The following GRID1 variants were observed in gnomAD, a reference collection of about 807,000 sequenced individuals.
The protein encoded by GRID1 is glutamate receptor ionotropic, delta-1.
In GRID1, 28 loss-of-function variants were observed where a neutral mutation model predicts 98.0. That is an observed-to-expected ratio of 0.29 (90% confidence interval 0.21 to 0.39). The LOEUF is 0.39. Ranked by LOEUF, GRID1 falls within the 10% of genes least tolerant of loss-of-function variation. GRID1 has a pLI of 1.00. For missense variants in GRID1, 1,111 were observed against 1,340.5 expected (o/e 0.83, Z 2.67); for synonymous variants, 553 against 538.5 (o/e 1.03, Z -0.37).
chr10:86,086,019 C>T (rs896621925), intron 4 of GRID1, among the ~76,000 whole-genome samples: 1 of 152,144 alleles, frequency 6.6e-6, no homozygotes, highest in Admixed American at 6.5e-5. Context: ...GCCTCTAGTC[C>T]TTTGCACTCA....
At chr10:85,610,709 T>G (rs1186515137) in intron 15 of GRID1, among the ~76,000 whole-genome samples, 1 of 152,076 alleles carries the variant, frequency 6.6e-6, no homozygotes, top group Non-Finnish European at 1.5e-5. Flanking sequence ...CATCTGTGCA[T>G]GAGGAAGTAA....
chr10:86,199,839 G>A (rs1215425246), intron 3 of GRID1, among the ~76,000 whole-genome samples: 2 of 152,056 alleles, frequency 1.3e-5, no homozygotes, highest in Non-Finnish European at 2.9e-5. Flanking sequence ...CAGACAGGAC[G>A]CAGTGAAAGG....
rs559338478 is a variant in GRID1, at chr10:86,095,279, C to T, written c.726+43540G>A. Among the ~76,000 whole-genome samples the T allele has an allele frequency of 1.1e-4, 17 of 152,242 alleles. No homozygotes were observed. The Middle Eastern group carries it at 0.01, about 91-fold the overall frequency. On this transcript the variant is annotated intron_variant, in intron 4 of 15. Transcript: ENST00000327946. ...ACAAGATAACATTGGAAAAACTCTT[C>T]CAGACATTGGCTTAGGCAAGGATTT...
chr10:85,855,953 T>C (rs1843105837), intron 7 of GRID1, 76 bp downstream of exon 7: 3 of 1,359,766 alleles, frequency 2.2e-6, no homozygotes, highest in Non-Finnish European at 3.1e-6. Context: ...TCAGGCCAGC[T>C]ACTAGAGGGG....
intron 4 of GRID1, among the ~76,000 whole-genome samples, chr10:86,050,873 C>A (rs1843491849): frequency 1.4e-5 from 2 of 144,406 alleles, no homozygotes; most frequent in Non-Finnish European, 3.0e-5. Flanking sequence ...AACAAACAAT[C>A]ACAAGAACCA....
At chr10:86,049,109 T>C (rs947795399) in intron 4 of GRID1, among the ~76,000 whole-genome samples, 6 of 152,208 alleles carry the variant, frequency 3.9e-5, no homozygotes, top group African/African-American at 1.4e-4. Context: ...AACTTGGTAC[T>C]GAAGTCATTA....
chr10:85,694,814 G>A (rs1417104205), intron 12 of GRID1, among the ~76,000 whole-genome samples: 1 of 150,728 alleles, frequency 6.6e-6, no homozygotes, highest in Non-Finnish European at 1.5e-5. Flanking sequence ...TGGAAAAGTG[G>A]GAGGGTGGGA....
intron 4 of GRID1, among the ~76,000 whole-genome samples, chr10:86,028,768 A>G (rs1284146996): frequency 2.0e-5 from 3 of 152,102 alleles, no homozygotes; most frequent in Non-Finnish European, 4.4e-5. Flanking sequence ...TTCATCTCAA[A>G]TGACAGGTTT....
chr10:86,104,821 T>C (rs1482190785), intron 4 of GRID1, among the ~76,000 whole-genome samples: 1 of 152,168 alleles, frequency 6.6e-6, no homozygotes, highest in Non-Finnish European at 1.5e-5. Context: ...GGACCCGGCC[T>C]GAGACAGTGC....
At chr10:86,354,769 A>G (rs1848512100) in intron 2 of GRID1, among the ~76,000 whole-genome samples, 1 of 152,218 alleles carries the variant, frequency 6.6e-6, no homozygotes, top group Admixed American at 6.5e-5. Context: ...CTATGCACTC[A>G]GAGCAGACAA....
intron 4 of GRID1, among the ~76,000 whole-genome samples, chr10:86,020,595 G>A (rs1843036117): frequency 6.6e-6 from 1 of 152,198 alleles, no homozygotes; most frequent in Non-Finnish European, 1.5e-5. Flanking sequence ...GTGACTGTAG[G>A]TCAGAGGAAG....
intron 8 of GRID1, among the ~76,000 whole-genome samples, chr10:85,797,126 G>C (rs1445399015): frequency 1.3e-5 from 2 of 152,116 alleles, no homozygotes; most frequent in East Asian, 3.9e-4. Flanking sequence ...AAAGAGAATA[G>C]CAGGATGATA....
intron 8 of GRID1, among the ~76,000 whole-genome samples, chr10:85,822,749 T>C (rs1350798166): frequency 2.0e-5 from 3 of 152,182 alleles, no homozygotes; most frequent in African/African-American, 4.8e-5. Flanking sequence ...GTATGTTTAT[T>C]GCGGCACTAT....
chr10:85,756,201 T>C (rs900234259), intron 8 of GRID1, among the ~76,000 whole-genome samples: 1 of 152,220 alleles, frequency 6.6e-6, no homozygotes, highest in East Asian at 1.9e-4. Flanking sequence ...GCACTTATCA[T>C]GCACTGTGGC....
chr10:85,799,646 C>T (rs550804363), intron 8 of GRID1, among the ~76,000 whole-genome samples: 30 of 152,076 alleles, frequency 2.0e-4, no homozygotes, highest in Middle Eastern at 3.4e-3. Context: ...TGGTCTCACT[C>T]GTGGAATCTT....
intron 4 of GRID1, among the ~76,000 whole-genome samples, chr10:86,049,992 A>G (rs1341279997): frequency 6.6e-6 from 1 of 152,188 alleles, no homozygotes; most frequent in East Asian, 1.9e-4. Flanking sequence ...TGATTTTCTG[A>G]TCATCCATCT....
intron 2 of GRID1, among the ~76,000 whole-genome samples, chr10:86,336,184 G>A (rs1461696947): frequency 2.0e-5 from 3 of 152,258 alleles, no homozygotes; most frequent in South Asian, 2.1e-4. Flanking sequence ...TACTTGTCCA[G>A]TGTTGTGTCT....
At chr10:86,140,997 C>G (rs1208574959) in intron 3 of GRID1, among the ~76,000 whole-genome samples, 3 of 152,086 alleles carry the variant, frequency 2.0e-5, no homozygotes. Context: ...AGCCCCTTGT[C>G]CATCAGCAGC....
intron 4 of GRID1, among the ~76,000 whole-genome samples, chr10:86,098,998 T>G (rs1051026751): frequency 6.6e-6 from 1 of 152,216 alleles, no homozygotes; most frequent in Admixed American, 6.5e-5. Context: ...CACTCTGGTT[T>G]GATTTTCACA....
Sources: allele counts gnomAD v4.1 joint callset (sites outside exome capture counted in the v4.1 genomes callset), GRCh38; gene constraint gnomAD v4.1.1; transcripts MANE v1.5; gene names NCBI Gene and HGNC (gene_info 2026-07-23, HGNC 2026-07-21).